Variants in MDGA2 observed in about 807,000 individuals in gnomAD.
MDGA2 encodes the protein MAM domain-containing glycosylphosphatidylinositol anchor protein 2.
MDGA2 carries 40 observed loss-of-function variants against 117.8 expected under a neutral mutation model. That is an observed-to-expected ratio of 0.34 (90% confidence interval 0.26 to 0.44). MDGA2 has a LOEUF of 0.44. MDGA2 is among the 20% of genes least tolerant of loss of function. The probability of loss-of-function intolerance (pLI) is 1.00; values close to 1 mark genes in which losing one functional copy is unlikely to be tolerated. For missense variants in MDGA2, 1,123 were observed against 1,250.6 expected, an observed-to-expected ratio of 0.90 and a Z score of 1.54; for synonymous variants, 452 against 439.0, an observed-to-expected ratio of 1.03 and a Z score of -0.37.
At chr14:47,367,502 C>T (rs749895134) in intron 1 of MDGA2, among the ~76,000 whole-genome samples, 37 of 152,150 alleles carry the variant, frequency 2.4e-4, no homozygotes, top group Admixed American at 1.2e-3. Flanking sequence ...GATGTCACAA[C>T]GACCAAAAAT....
intron 2 of MDGA2, among the ~76,000 whole-genome samples, chr14:47,221,273 G>A (rs1476533662): frequency 1.3e-5 from 2 of 151,308 alleles, no homozygotes; most frequent in Admixed American, 6.6e-5. Flanking sequence ...TTAAACCTTG[G>A]GATAGTTGAA....
intron 8 of MDGA2, among the ~76,000 whole-genome samples, chr14:47,031,068 G>T (rs1888646838): frequency 6.6e-6 from 1 of 152,024 alleles, no homozygotes; most frequent in South Asian, 2.1e-4. Flanking sequence ...ATTAGTGAGA[G>T]TAAGTAATTC....
intron 8 of MDGA2, among the ~76,000 whole-genome samples, chr14:46,993,129 T>G (rs578213636): frequency 3.5e-4 from 53 of 152,266 alleles, no homozygotes; most frequent in African/African-American, 1.2e-3. Flanking sequence ...TGTTAACAGA[T>G]TATTAGAAAT....
chr14:47,050,849 G>A (rs1180467133), intron 7 of MDGA2, among the ~76,000 whole-genome samples: 2 of 151,984 alleles, frequency 1.3e-5, no homozygotes, highest in African/African-American at 2.4e-5. Flanking sequence ...ACTTTTGGGA[G>A]CGGGATATGG....
In MDGA2 at chr14:47,181,490, G is replaced by T. The variant is rs375971016; in HGVS notation, c.595+36531C>A. ...TGTCCTTTGCAGGGACATGGATGAG[G>T]CTGGAAGCCATCATCGTCAGCAAAT... On this transcript the variant is annotated intron_variant, in intron 3 of 16. Coordinates refer to ENST00000399232, the MANE Select transcript of MDGA2 (RefSeq NM_001113498.3). Among the ~76,000 whole-genome samples, 260 of 152,300 alleles carry T rather than the reference G, an allele frequency of 1.7e-3. 3 individuals carry two copies. The highest frequency in any genetic ancestry group is 5.9e-3 in the African/African-American group (245 of 41,574).
chr14:47,132,244 G>A (rs936583919), intron 4 of MDGA2, among the ~76,000 whole-genome samples: 1 of 151,838 alleles, frequency 6.6e-6, no homozygotes, highest in African/African-American at 2.4e-5. Flanking sequence ...TTCAGACATC[G>A]ATGTGAGAAG....
intron 8 of MDGA2, among the ~76,000 whole-genome samples, chr14:46,994,952 A>G (rs1566564905): frequency 6.6e-6 from 1 of 152,100 alleles, no homozygotes; most frequent in Admixed American, 6.6e-5. Flanking sequence ...TTTATCCACA[A>G]GTATCATTCT....
intron 1 of MDGA2, among the ~76,000 whole-genome samples, chr14:47,588,598 T>C (rs1896377502): frequency 6.6e-6 from 1 of 151,916 alleles, no homozygotes; most frequent in Non-Finnish European, 1.5e-5. Context: ...CTTGTTGAGT[T>C]TTAAAGTTCT....
chr14:47,635,489 A>C (rs1178900179), intron 1 of MDGA2, among the ~76,000 whole-genome samples: 1 of 152,130 alleles, frequency 6.6e-6, no homozygotes, highest in Non-Finnish European at 1.5e-5. Context: ...AATTGTGCGA[A>C]AAAAAGTTGC....
intron 2 of MDGA2, among the ~76,000 whole-genome samples, chr14:47,260,124 G>T (rs1887747117): frequency 6.6e-6 from 1 of 152,008 alleles, no homozygotes; most frequent in Non-Finnish European, 1.5e-5. Context: ...AGGAGAAAAA[G>T]GATAGCATGG....
intron 8 of MDGA2, among the ~76,000 whole-genome samples, chr14:46,989,316 G>T (rs1161226399): frequency 7.0e-6 from 1 of 143,048 alleles, no homozygotes; most frequent in Non-Finnish European, 1.5e-5. Flanking sequence ...AAGGATAGCT[G>T]CACTGGAAAA....
At chr14:47,564,546 A>T (rs1156921519) in intron 1 of MDGA2, among the ~76,000 whole-genome samples, 1 of 152,164 alleles carries the variant, frequency 6.6e-6, no homozygotes, top group African/African-American at 2.4e-5. Context: ...GTATGGCAGA[A>T]ATTGCTCCCA....
intron 14 of MDGA2, 41 bp downstream of exon 14, chr14:46,873,392 A>G (rs1171170881): frequency 4.6e-6 from 7 of 1,517,332 alleles, no homozygotes; most frequent in Middle Eastern, 1.7e-4. Context: ...CTTCTTAGTT[A>G]TCATTAATTT....
intron 2 of MDGA2, among the ~76,000 whole-genome samples, chr14:47,219,400 G>T (rs1395874422): frequency 1.3e-5 from 2 of 151,858 alleles, no homozygotes; most frequent in Non-Finnish European, 2.9e-5. Context: ...ATCACAAAAA[G>T]AAATATCAAT....
At chr14:46,875,525 T>A (rs1007644098) in intron 12 of MDGA2, among the ~76,000 whole-genome samples, 2 of 151,704 alleles carry the variant, frequency 1.3e-5, no homozygotes, top group Non-Finnish European at 1.5e-5. Context: ...GAATAAACAT[T>A]ATTGTACATA....
chr14:47,057,623 TCTCCCCTCCCCTCCCCTCCTTTCCC>T (rs1354329518), intron 7 of MDGA2, among the ~76,000 whole-genome samples: 9 of 56,520 alleles, frequency 1.6e-4, no homozygotes, highest in Middle Eastern at 9.6e-3. Flanking sequence ...CTTTCCCTCC[TCTCCCCTCCCCTCCCCTCCTTTCCC>T]CTCCCCTCCC....
intron 1 of MDGA2, among the ~76,000 whole-genome samples, chr14:47,594,667 A>G (rs981497243): frequency 6.6e-5 from 10 of 152,180 alleles, no homozygotes; most frequent in African/African-American, 2.4e-4. Flanking sequence ...AGACTCTTTA[A>G]CCATGATTCT....
chr14:46,845,874 A>G lies in MDGA2; in HGVS notation c.2884-3T>C, dbSNP rs1566488346. 2 of 1,603,298 alleles carry G rather than the reference A, an allele frequency of 1.2e-6. No individual in the cohort carries two copies. The highest frequency in any genetic ancestry group is 1.7e-6 in the Non-Finnish European group (2 of 1,170,536). ...CCTCGGATACCTTCAAAAATGAGCT[A>G]CAAATATGAATGAAACAAACCTAAA... On this transcript the variant is annotated splice_polypyrimidine_tract_variant and splice_region_variant and intron_variant, in intron 15 of 16. Coordinates refer to ENST00000399232, the MANE Select transcript of MDGA2 (RefSeq NM_001113498.3).
Position 47,208,810 on chromosome 14 carries a change from T to G in MDGA2, c.595+9211A>C, listed in dbSNP as rs539787782. 2.0e-5 allele frequency among the ~76,000 whole-genome samples: 3 copies of G among 152,050 alleles called. No homozygotes were observed. In the South Asian group the frequency reaches 6.2e-4, roughly 32 times the overall value. On this transcript the variant is annotated intron_variant, in intron 3 of 16. Coordinates refer to ENST00000399232, the MANE Select transcript of MDGA2 (RefSeq NM_001113498.3). The stretch of plus-strand genomic sequence containing the variant: ...TTTAAATGACCAAATTTATAAATAA[T>G]TTTTAGATGAAAGAGAATCTTTATG...
Sources: allele counts gnomAD v4.1 joint callset (sites outside exome capture counted in the v4.1 genomes callset), GRCh38; gene constraint gnomAD v4.1.1; transcripts MANE v1.5; gene names NCBI Gene and HGNC (gene_info 2026-07-23, HGNC 2026-07-21).